RUVBL1: variants seen among roughly 807,000 people sequenced by gnomAD.
RUVBL1 encodes ruvB-like 1.
A neutral mutation model predicts 52.4 loss-of-function variants in RUVBL1; 4 were observed. That is an observed-to-expected ratio of 0.08 (90% CI 0.04 to 0.17). The LOEUF (loss-of-function observed/expected upper bound fraction) is 0.17, where lower values mean the gene tolerates loss of function less well. Among genes scored for constraint, RUVBL1 ranks in the 10% least tolerant of loss-of-function variants. The probability of loss-of-function intolerance (pLI) is 1.00; values close to 1 mark genes in which losing one functional copy is unlikely to be tolerated. For missense variants in RUVBL1, 298 were observed against 572.8 expected, an observed-to-expected ratio of 0.52 and a Z score of 4.90; for synonymous variants, 217 against 214.4, an observed-to-expected ratio of 1.01 and a Z score of -0.10.
At chr3:128,122,136 C>T (rs1433095060) in intron 1 of RUVBL1, among the ~76,000 whole-genome samples, 1 of 152,178 alleles carries the variant, frequency 6.6e-6, no homozygotes, top group African/African-American at 2.4e-5. Context: ...AAAATACTGG[C>T]TCTCGCACTT....
rs1942024346 is a variant in RUVBL1, at chr3:128,067,682, C to G, written c.940-2462G>C. On this transcript the variant is annotated intron_variant, in intron 9 of 9. Transcript: ENST00000464873. This position sits in a 1 kb window ranked among gnomAD's most constrained non-coding sequence, Gnocchi z 4.1. ...TGGTATAAGGGGTGTGGACTTGTCA[C>G]CTCATCATAAATAATGGTCTGTGAC... 8.1e-7 allele frequency: 1 copy of G among 1,232,398 alleles called. No individual in the cohort carries two copies. The highest frequency in any genetic ancestry group is 1.5e-5 in the African/African-American group (1 of 66,508). 76.3% of individuals were successfully genotyped at this position (1,232,398 alleles called of 1,614,324 possible).
At chr3:128,097,734 G>T (rs997586489) in intron 7 of RUVBL1, among the ~76,000 whole-genome samples, 4 of 152,124 alleles carry the variant, frequency 2.6e-5, no homozygotes, top group Non-Finnish European at 5.9e-5. Flanking sequence ...AGATGAGTTT[G>T]GTTAAATGTA....
intron 8 of RUVBL1, among the ~76,000 whole-genome samples, chr3:128,090,676 C>CA (rs1445713499): frequency 6.6e-6 from 1 of 152,170 alleles, no homozygotes; most frequent in Non-Finnish European, 1.5e-5. Flanking sequence ...TATCATGATT[C>CA]AAATCTCAGT....
intron 1 of RUVBL1, among the ~76,000 whole-genome samples, chr3:128,131,700 A>G (rs1044519064): frequency 6.6e-6 from 1 of 152,204 alleles, no homozygotes; most frequent in East Asian, 1.9e-4. Flanking sequence ...GTAATATACC[A>G]TATTAATAGA....
chr3:128,067,918 C>A lies in RUVBL1; in HGVS notation c.940-2698G>T. 1 of 1,269,642 alleles carries A rather than the reference C, an allele frequency of 7.9e-7. No individual in the cohort carries two copies. The highest frequency in any genetic ancestry group is 1.2e-5 in the South Asian group (1 of 84,036). The allele number at this position is 1,269,642 out of a possible 1,614,324, so 78.6% of individuals were successfully genotyped here. A position where few individuals can be genotyped will look rare whatever the true frequency, so the allele number is the denominator to read the frequency against. ...GAGGCGATCTGTAACTGTTCAGTAC[C>A]ACTTGGAATGCCTATTTCCCCTTCA... On this transcript the variant is annotated intron_variant, in intron 9 of 9. Transcript: ENST00000464873. The surrounding 1 kb of genome is among the most constrained non-coding windows in gnomAD (Gnocchi z 4.1).
chr3:128,074,004 A>AG (rs1942241063), intron 9 of RUVBL1, among the ~76,000 whole-genome samples: 1 of 149,034 alleles, frequency 6.7e-6, no homozygotes, highest in African/African-American at 2.5e-5. Flanking sequence ...TGTGTTTAAA[A>AG]GGGGGGTAGG....
chr3:128,132,637 C>A, intron 1 of RUVBL1, among the ~76,000 whole-genome samples: 1 of 152,168 alleles, frequency 6.6e-6, no homozygotes, highest in East Asian at 1.9e-4. Flanking sequence ...TAGACACACC[C>A]TGGGACAAAA....
chr3:128,136,565 G>A (rs181728695), intron 1 of RUVBL1, among the ~76,000 whole-genome samples: 2 of 148,286 alleles, frequency 1.3e-5, no homozygotes, highest in African/African-American at 5.0e-5. Flanking sequence ...GGTCAAGGCT[G>A]CAGTGAGCAA....
chr3:128,113,956 T>A (rs1434466102), intron 2 of RUVBL1, among the ~76,000 whole-genome samples: 3 of 152,232 alleles, frequency 2.0e-5, no homozygotes, highest in Non-Finnish European at 4.4e-5. Flanking sequence ...GAAGGATACC[T>A]CAAGTAGGAT....
At chr3:128,077,997 G>A (rs191043190), downstream of RUVBL1, among the ~76,000 whole-genome samples, 1 of 152,314 alleles carries the variant, frequency 6.6e-6, no homozygotes, top group Non-Finnish European at 1.5e-5. Context: ...GACTCATGGG[G>A]CTAGGACCAA....
At chr3:128,079,685 G>A (rs574024648), downstream of RUVBL1, among the ~76,000 whole-genome samples, 297 of 152,312 alleles carry the variant, frequency 1.9e-3, no homozygotes, top group African/African-American at 5.3e-3. Flanking sequence ...GGGCCAGGCC[G>A]AGGGAGAAGA....
In RUVBL1 at chr3:128,081,196, G is replaced by T; in HGVS notation, c.*54C>A. The stretch of plus-strand genomic sequence containing the variant: ...CCCAGGGGCAAGCGCCCACAGGCTG[G>T]ACCCAGGCCAGGCACACCTGGGGAG... On this transcript the variant is annotated 3_prime_UTR_variant, in exon 11 of 11. Coordinates refer to ENST00000322623, the MANE Select transcript of RUVBL1 (RefSeq NM_003707.3). This position sits in a 1 kb window ranked among gnomAD's most constrained non-coding sequence, Gnocchi z 4.8. The T allele has an allele frequency of 6.3e-7, 1 of 1,576,016 alleles. No homozygotes were observed. The highest frequency in any genetic ancestry group is 1.2e-5 in the South Asian group (1 of 86,018).
chr3:128,123,824 C>A, upstream of RUVBL1: 1 of 1,432,928 alleles, frequency 7.0e-7, no homozygotes, highest in Middle Eastern at 2.1e-4. Context: ...GGGCAATTTG[C>A]AAAGGCCCGC....
Position 128,123,656 on chromosome 3 carries a change from C to T in RUVBL1, c.69G>A (p.Gly23=). 3 of 1,612,424 alleles carry T rather than the reference C, an allele frequency of 1.9e-6. No individual in the cohort carries two copies. Among genetic ancestry groups the T allele is most frequent in the Non-Finnish European group, 2.5e-6 (3 of 1,179,516 alleles). Residue 23 remains glycine (G), a synonymous_variant, in exon 1 of 11, where the codon GGG becomes GGA. Transcript: ENST00000322623. ...CCAAGCCGCTCTCGTCCAGCCCCAGCCCTTTCACGTGGCTGTGGGAGGCGA... is the reference window on the plus strand; with the variant it reads ...CCAAGCCGCTCTCGTCCAGCCCCAGTCCTTTCACGTGGCTGTGGGAGGCGA... ...QRIASHSHVK[G]LGLDESGLAK... is the part of the protein sequence containing the mutation.
At chr3:128,098,397 G>A (rs1199651209) in intron 7 of RUVBL1, among the ~76,000 whole-genome samples, 1 of 152,186 alleles carries the variant, frequency 6.6e-6, no homozygotes. Flanking sequence ...TGACGAAACT[G>A]TAGGTGGAAT....
intron 8 of RUVBL1, among the ~76,000 whole-genome samples, chr3:128,091,809 A>G (rs1379965117): frequency 1.3e-5 from 2 of 152,230 alleles, no homozygotes; most frequent in African/African-American, 4.8e-5. Context: ...CTTCTGAGTC[A>G]TGTTAAGTAA....
Position 128,142,429 on chromosome 3 carries a change from T to C in RUVBL1, c.-40+10774A>G, listed in dbSNP as rs114429200. Among the ~76,000 whole-genome samples the C allele has an allele frequency of 4.5e-3, 692 of 152,298 alleles. 4 individuals are homozygous for C. Among genetic ancestry groups the C allele is most frequent in the African/African-American group, 0.015 (611 of 41,564 alleles). ...AGAGCTCTGATGAGGTAGGGTGGAA[T>C]TAGGAGCCATCCATTTAATCAATAA... On this transcript the variant is annotated intron_variant, in intron 1 of 9. Coordinates refer to the RUVBL1 transcript ENST00000464873.
At chr3:128,086,638 G>A (rs1942653436) in intron 9 of RUVBL1, among the ~76,000 whole-genome samples, 2 of 152,226 alleles carry the variant, frequency 1.3e-5, no homozygotes, top group Non-Finnish European at 2.9e-5. Flanking sequence ...GCTCTACAGG[G>A]CACTGCCTGG....
intron 9 of RUVBL1, among the ~76,000 whole-genome samples, chr3:128,065,944 G>A (rs933894847): frequency 1.3e-5 from 2 of 151,680 alleles, no homozygotes; most frequent in African/African-American, 4.8e-5. Flanking sequence ...GGGTTTCACC[G>A]TGTTAGCCAG....
Sources: gnomAD v4.1 joint callset for allele counts (sites outside exome capture counted in the v4.1 genomes callset) on GRCh38, gnomAD v4.1.1 for gene constraint, Gnocchi (gnomAD v3.1) non-coding constraint, MANE v1.5 for transcripts, NCBI Gene and HGNC (gene_info 2026-07-23, HGNC 2026-07-21) for gene names.